Variants in SOX5 observed in about 807,000 individuals in gnomAD.
SOX5 encodes the protein SRY-box transcription factor 5, also known as transcription factor SOX-5.
In SOX5, 9 loss-of-function variants were observed where a neutral mutation model predicts 92.0. The ratio of observed to expected loss-of-function variants is 0.10; its 90% confidence interval spans 0.06 to 0.17. The LOEUF is 0.17. Ranked by LOEUF, SOX5 falls within the 10% of genes least tolerant of loss-of-function variation. The pLI is 1.00. For synonymous variants in SOX5, 344 were observed against 336.3 expected (o/e 1.02, Z -0.25); for missense variants, 642 against 944.5 (o/e 0.68, Z 4.20).
chr12:24,411,321 T>C (rs1362101382), intron 1 of SOX5, among the ~76,000 whole-genome samples: 1 of 152,164 alleles, frequency 6.6e-6, no homozygotes, highest in Non-Finnish European at 1.5e-5. Flanking sequence ...TTTTTGCCTT[T>C]TTGCACTGGC....
chr12:24,286,826 A>T (rs1945922883), intron 2 of SOX5, among the ~76,000 whole-genome samples: 1 of 152,262 alleles, frequency 6.6e-6, no homozygotes, highest in Admixed American at 6.5e-5. Flanking sequence ...GTGGATACAG[A>T]AAGAACGGGT....
chr12:24,560,981 C>A (rs1215014161), intron 1 of SOX5, among the ~76,000 whole-genome samples: 1 of 152,190 alleles, frequency 6.6e-6, no homozygotes, highest in Non-Finnish European at 1.5e-5. Context: ...AGTCCCTTTG[C>A]AGATTCCCAC....
chr12:23,857,611 T>A (rs1202369244), intron 2 of SOX5, among the ~76,000 whole-genome samples: 1 of 152,150 alleles, frequency 6.6e-6, no homozygotes, highest in Non-Finnish European at 1.5e-5. Context: ...GTTACTTCTA[T>A]AGGGACAATG....
chr12:24,340,502 C>A (rs570271467), intron 2 of SOX5, among the ~76,000 whole-genome samples: 49 of 152,296 alleles, frequency 3.2e-4, no homozygotes, highest in African/African-American at 1.1e-3. Flanking sequence ...ATTTAAATAT[C>A]TGGGAGCTAA....
intron 4 of SOX5, among the ~76,000 whole-genome samples, chr12:24,200,397 T>C (rs556682004): frequency 6.6e-6 from 1 of 152,346 alleles, no homozygotes; most frequent in South Asian, 2.1e-4. Context: ...AAGTCTTTTA[T>C]AAATCTTGGG....
At chr12:24,220,892 G>A (rs144464868) in intron 3 of SOX5, among the ~76,000 whole-genome samples, 1 of 152,226 alleles carries the variant, frequency 6.6e-6, no homozygotes, top group African/African-American at 2.4e-5. Flanking sequence ...CTATGTAGTA[G>A]CCGAAAGTCT....
intron 1 of SOX5, among the ~76,000 whole-genome samples, chr12:24,384,160 A>C (rs1210584522): frequency 1.3e-5 from 2 of 152,150 alleles, no homozygotes; most frequent in Non-Finnish European, 2.9e-5. Flanking sequence ...ACCCAGTCTC[A>C]GATATTTTTT....
intron 13 of SOX5, among the ~76,000 whole-genome samples, chr12:23,539,788 A>G (rs1941521721): frequency 6.6e-6 from 1 of 152,188 alleles, no homozygotes; most frequent in African/African-American, 2.4e-5. Context: ...ACACTTTAAA[A>G]TATGGCCATA....
chr12:23,888,680 G>T (rs181307385), intron 2 of SOX5, among the ~76,000 whole-genome samples: 72 of 152,202 alleles, frequency 4.7e-4, no homozygotes, highest in Non-Finnish European at 7.4e-5. Flanking sequence ...AGCCCTGGGG[G>T]TAATTTCCCA....
At chr12:23,643,258 TA>T (rs1481033341) in intron 7 of SOX5, among the ~76,000 whole-genome samples, 1 of 152,162 alleles carries the variant, frequency 6.6e-6, no homozygotes, top group African/African-American at 2.4e-5. Flanking sequence ...GGTTTTTCAC[TA>T]AAACAACTGA....
chr12:24,333,851 T>TAA, intron 2 of SOX5, among the ~76,000 whole-genome samples: 1 of 138,508 alleles, frequency 7.2e-6, no homozygotes, highest in Non-Finnish European at 1.6e-5. Flanking sequence ...TTCACCAAGT[T>TAA]AAAAAAAAAA....
intron 2 of SOX5, among the ~76,000 whole-genome samples, chr12:24,302,920 A>G (rs1025601211): frequency 9.2e-5 from 14 of 152,302 alleles, no homozygotes; most frequent in African/African-American, 3.1e-4. Context: ...TATAGGGGAA[A>G]AACAACAACA....
At chr12:24,203,934 T>C (rs1957772848) in intron 4 of SOX5, among the ~76,000 whole-genome samples, 1 of 152,198 alleles carries the variant, frequency 6.6e-6, no homozygotes, top group Admixed American at 6.5e-5. Flanking sequence ...ACTTCAATTA[T>C]TTACGTTTTG....
intron 4 of SOX5, among the ~76,000 whole-genome samples, chr12:24,129,587 G>T (rs558138983): frequency 6.6e-6 from 1 of 152,102 alleles, no homozygotes; most frequent in African/African-American, 2.4e-5. Flanking sequence ...GAGGGTGACC[G>T]TCCATTCCAA....
intron 4 of SOX5, among the ~76,000 whole-genome samples, chr12:24,010,780 CA>C (rs200507380): frequency 0.052 from 7,798 of 150,572 alleles, 285 homozygotes; most frequent in African/African-American, 0.093. Flanking sequence ...ACTAAAAATA[CA>C]AAAAAAAATT....
intron 4 of SOX5, among the ~76,000 whole-genome samples, chr12:24,211,610 T>C (rs760863960): frequency 5.9e-5 from 9 of 152,228 alleles, no homozygotes; most frequent in Non-Finnish European, 1.3e-4. Context: ...GGTATTTTTA[T>C]GTGTGTGCAC....
At chr12:23,585,588 T>C (rs890166931) in intron 9 of SOX5, among the ~76,000 whole-genome samples, 1 of 152,150 alleles carries the variant, frequency 6.6e-6, no homozygotes, top group Non-Finnish European at 1.5e-5. Context: ...CTAGACTGAG[T>C]TCCACTGTTC....
intron 1 of SOX5, among the ~76,000 whole-genome samples, chr12:24,428,085 T>C (rs1169781887): frequency 2.6e-5 from 4 of 152,064 alleles, no homozygotes; most frequent in African/African-American, 9.7e-5. Flanking sequence ...TTCAGCTTTT[T>C]TAAGGTGAAA....
At chr12:23,595,235 A>G (rs1292055818) in intron 9 of SOX5, among the ~76,000 whole-genome samples, 1 of 152,168 alleles carries the variant, frequency 6.6e-6, no homozygotes, top group Non-Finnish European at 1.5e-5. Context: ...TTTAAGAATG[A>G]AAAAAGAGCA....
Sources: gnomAD v4.1 joint callset for allele counts (sites outside exome capture counted in the v4.1 genomes callset) on GRCh38, gnomAD v4.1.1 for gene constraint, MANE v1.5 for transcripts, NCBI Gene and HGNC (gene_info 2026-07-23, HGNC 2026-07-21) for gene names.